Variants in PARD3B observed in about 807,000 individuals in gnomAD.
The protein encoded by PARD3B is partitioning defective 3 homolog B.
A neutral mutation model predicts 130.2 loss-of-function variants in PARD3B; 103 were observed. The observed-to-expected ratio is 0.79, with a 90% CI of 0.67 to 0.93. The LOEUF (loss-of-function observed/expected upper bound fraction) is 0.93, where lower values mean the gene tolerates loss of function less well. Among genes scored for constraint, PARD3B ranks in the 40% least tolerant of loss-of-function variants. The pLI is 0.00. For synonymous variants in PARD3B, 583 were observed against 553.2 expected, an observed-to-expected ratio of 1.05 and a Z score of -0.76; for missense variants, 1,609 against 1,499.2, an observed-to-expected ratio of 1.07 and a Z score of -1.21.
chr2:204,559,206 C>A (rs1049294870), intron 1 of PARD3B, among the ~76,000 whole-genome samples: 2 of 152,124 alleles, frequency 1.3e-5, no homozygotes, highest in Non-Finnish European at 2.9e-5. Context: ...TCTAATTAAA[C>A]TAAAGAGCTT....
chr2:205,565,850 TGGA>T lies in PARD3B; in HGVS notation c.3260+12449_3260+12451del, dbSNP rs926410462. Among the ~76,000 whole-genome samples, 4 of 146,208 alleles carry T rather than the reference TGGA, an allele frequency of 2.7e-5. No individual in the cohort carries two copies. The Admixed American group carries it at 2.8e-4, about 10-fold the overall frequency. On this transcript the variant is annotated intron_variant, in intron 22 of 22. Transcript: ENST00000406610. ...CTGTCCTGTGAAGTTTATACTCTAG[TGGA>T]GAAGATAGTAATTCAGCAGTCACAA...
chr2:204,581,233 G>A (rs13410864), intron 1 of PARD3B, among the ~76,000 whole-genome samples: 3,204 of 152,270 alleles, frequency 0.021, 102 homozygotes, highest in African/African-American at 0.073. Flanking sequence ...AAGACTGTAT[G>A]CTCTGCTCTA....
At chr2:205,609,995 C>A (rs985139851) in intron 22 of PARD3B, among the ~76,000 whole-genome samples, 5 of 152,184 alleles carry the variant, frequency 3.3e-5, no homozygotes, top group Non-Finnish European at 5.9e-5. Flanking sequence ...CAAATGATTT[C>A]TTTTAATAAA....
chr2:204,707,957 A>C (rs2038256413), intron 2 of PARD3B, among the ~76,000 whole-genome samples: 1 of 151,980 alleles, frequency 6.6e-6, no homozygotes, highest in South Asian at 2.1e-4. Context: ...TGGAGGGGTG[A>C]GGAGGAGACC....
At chr2:205,396,229 T>C (rs1256084595) in intron 18 of PARD3B, among the ~76,000 whole-genome samples, 1 of 152,230 alleles carries the variant, frequency 6.6e-6, no homozygotes, top group Admixed American at 6.6e-5. Context: ...TATTGTCTCT[T>C]CTAACATCCT....
chr2:205,609,930 G>C (rs770868059), intron 22 of PARD3B, among the ~76,000 whole-genome samples: 8 of 152,216 alleles, frequency 5.3e-5, no homozygotes, highest in Non-Finnish European at 1.2e-4. Context: ...TGTAGAGGAA[G>C]TGTGCTCAGT....
At chr2:205,012,532 A>T (rs1695799368) in intron 3 of PARD3B, among the ~76,000 whole-genome samples, 1 of 152,210 alleles carries the variant, frequency 6.6e-6, no homozygotes, top group Non-Finnish European at 1.5e-5. Flanking sequence ...GTAGATTTAT[A>T]AGAAAAGAAG....
At chr2:204,774,792 G>A (rs2041542574) in intron 2 of PARD3B, among the ~76,000 whole-genome samples, 3 of 152,036 alleles carry the variant, frequency 2.0e-5, no homozygotes, top group Non-Finnish European at 4.4e-5. Context: ...ACCCATAGCC[G>A]GAATTTGCTC....
chr2:204,783,460 C>G (rs989714442), intron 2 of PARD3B, among the ~76,000 whole-genome samples: 2 of 152,054 alleles, frequency 1.3e-5, no homozygotes, highest in African/African-American at 4.8e-5. Context: ...ACCTTAATTA[C>G]CTCCCTCAAG....
chr2:204,967,470 CCCTGCTTAACGA>C lies in PARD3B; in HGVS notation c.394+2151_394+2162del. ...CAAATCTGATTATGTAATATAACTC[CCCTGCTTAACGA>C]CCTTCACTGGCTTCCCATCACCCTG... is the stretch of plus-strand genomic sequence containing the variant. On this transcript the variant is annotated intron_variant, in intron 3 of 22. Coordinates refer to ENST00000406610, the MANE Select transcript of PARD3B (RefSeq NM_001302769.2). This position sits in a 1 kb window ranked among gnomAD's most constrained non-coding sequence, Gnocchi z 4.4. Among the ~76,000 whole-genome samples, 1 of 152,262 alleles carries C rather than the reference CCCTGCTTAACGA, an allele frequency of 6.6e-6. No individual in the cohort carries two copies. Among genetic ancestry groups the C allele is most frequent in the South Asian group, 2.1e-4 (1 of 4,820 alleles).
chr2:205,494,125 G>A (rs2049838641), intron 20 of PARD3B, among the ~76,000 whole-genome samples: 1 of 152,040 alleles, frequency 6.6e-6, no homozygotes, highest in Admixed American at 6.6e-5. Flanking sequence ...ACAAATAAGG[G>A]CAGTGCTCAC....
In PARD3B at chr2:204,971,324, A is replaced by G. The variant is rs919003953; in HGVS notation, c.394+6001A>G. On this transcript the variant is annotated intron_variant, in intron 3 of 22. Transcript: ENST00000406610. ...TCCTAGACAAACACACTCACACCAC[A>G]CACATAGCAGAACTAAAGCTCAGGG... 3.3e-5 allele frequency among the ~76,000 whole-genome samples: 5 copies of G among 152,260 alleles called. No homozygotes were observed. In the East Asian group the frequency reaches 9.7e-4, roughly 29 times the overall value.
chr2:204,714,045 A>G (rs1041239995), intron 2 of PARD3B, among the ~76,000 whole-genome samples: 11 of 151,970 alleles, frequency 7.2e-5, no homozygotes, highest in Admixed American at 3.3e-4. Flanking sequence ...TTATTTTTAA[A>G]CCCACCCTTC....
chr2:205,149,518 A>G (rs958113773), intron 10 of PARD3B, among the ~76,000 whole-genome samples: 2 of 152,214 alleles, frequency 1.3e-5, no homozygotes, highest in African/African-American at 4.8e-5. Flanking sequence ...AACTAGAAAT[A>G]TAACAATTAC....
chr2:205,469,032 T>C (rs2048733716), intron 20 of PARD3B, among the ~76,000 whole-genome samples: 1 of 151,942 alleles, frequency 6.6e-6, no homozygotes, highest in Non-Finnish European at 1.5e-5. Context: ...ATCCCATCCC[T>C]TAGTGATCCT....
intron 18 of PARD3B, among the ~76,000 whole-genome samples, chr2:205,399,579 T>G (rs188612103): frequency 0.011 from 1,651 of 152,278 alleles, 31 homozygotes; most frequent in African/African-American, 0.037. Flanking sequence ...GGTCTTGAAC[T>G]CCTGACCTCA....
At chr2:204,595,810 A>G (rs533106858) in intron 1 of PARD3B, among the ~76,000 whole-genome samples, 3 of 152,378 alleles carry the variant, frequency 2.0e-5, no homozygotes, top group African/African-American at 7.2e-5. Flanking sequence ...GCCTTGGTCA[A>G]AGTTGAAACT....
chr2:205,191,943 TCC>T (rs2036422486), intron 14 of PARD3B, among the ~76,000 whole-genome samples: 1 of 152,076 alleles, frequency 6.6e-6, no homozygotes, highest in Non-Finnish European at 1.5e-5. Context: ...AGCCTCAAAC[TCC>T]TAGACTCAAG....
chr2:204,739,127 A>C (rs1339597358), intron 2 of PARD3B, among the ~76,000 whole-genome samples: 1 of 152,090 alleles, frequency 6.6e-6, no homozygotes, highest in Non-Finnish European at 1.5e-5. Context: ...GTGCTTTATC[A>C]CCTGCCTATT....
Sources: allele counts gnomAD v4.1 joint callset (sites outside exome capture counted in the v4.1 genomes callset), GRCh38; gene constraint gnomAD v4.1.1; non-coding constraint Gnocchi (gnomAD v3.1); transcripts MANE v1.5; gene names NCBI Gene and HGNC (gene_info 2026-07-23, HGNC 2026-07-21).